The following STAB1 variants were observed in gnomAD, a reference collection of about 807,000 sequenced individuals.
The protein encoded by STAB1 is stabilin 1.
Under a neutral mutation model 332.4 loss-of-function variants are expected in STAB1, and 250 were observed. That is an observed-to-expected ratio of 0.75 (90% CI 0.68 to 0.84). STAB1 has a LOEUF of 0.84. STAB1 is among the 40% of genes least tolerant of loss of function. STAB1 has a pLI of 0.00. For missense variants in STAB1, 3,249 were observed against 3,489.7 expected (o/e 0.93, Z 1.74); for synonymous variants, 1,475 against 1,390.4 (o/e 1.06, Z -1.35).
intron 61 of STAB1, 33 bp from the exon 62 acceptor site, chr3:52,522,742 C>A (rs761613748): frequency 1.2e-6 from 2 of 1,612,578 alleles, no homozygotes; most frequent in African/African-American, 2.7e-5. Context: ...TTGACTGGGT[C>A]TTGGGTCTTA....
intron 36 of STAB1, 135 bp downstream of exon 36, chr3:52,515,180 T>A (rs1004639538): frequency 5.3e-5 from 63 of 1,189,222 alleles, no homozygotes; most frequent in Non-Finnish European, 7.1e-5. Flanking sequence ...GTGGCTGACG[T>A]CCCCATAGAG....
intron 5 of STAB1, 42 bp from the exon 6 acceptor site, chr3:52,502,590 G>T (rs768414030): frequency 2.3e-5 from 36 of 1,557,586 alleles, no homozygotes; most frequent in Non-Finnish European, 2.9e-5. Context: ...TGTGTGCCTG[G>T]GAGAGGCTGG....
Position 52,504,097 on chromosome 3 carries a change from G to A in STAB1, c.1092G>A (p.Gln364=), listed in dbSNP as rs1301001565. The change falls in exon 10 of 69, where the codon CAG becomes CAA. Residue 364 remains glutamine (Q), a synonymous_variant. Transcript: ENST00000321725. The part of the protein sequence containing the change: ...ACYGHLLHEV[Q]KATQTGRVFL... ...ACGGACACCTGCTCCACGAGGTGCA[G>A]AAGGCCACGCAGACAGGCCGGGTGT... is the stretch of plus-strand genomic sequence containing the variant. 1.3e-6 allele frequency: 2 copies of A among 1,589,750 alleles called. No individual in the cohort carries two copies. The highest frequency in any genetic ancestry group is 2.7e-5 in the African/African-American group (2 of 74,534).
intron 57 of STAB1, 45 bp downstream of exon 57, chr3:52,521,745 T>C (rs767190924): frequency 6.2e-7 from 1 of 1,608,568 alleles, no homozygotes; most frequent in Non-Finnish European, 8.5e-7. Context: ...CTTGTGTACA[T>C]GTGCACACAT....
intron 48 of STAB1, 82 bp downstream of exon 48, chr3:52,518,951 C>A: frequency 7.2e-7 from 1 of 1,398,206 alleles, no homozygotes; most frequent in Non-Finnish European, 9.4e-7. Context: ...CCACGGCCCA[C>A]GCAGTCAAGA....
intron 11 of STAB1, 76 bp from the exon 12 acceptor site, chr3:52,504,663 C>G: frequency 6.2e-7 from 1 of 1,612,370 alleles, no homozygotes; most frequent in Non-Finnish European, 8.5e-7. Flanking sequence ...CATCCTGTCC[C>G]CTCCATTGCT....
Position 52,505,884 on chromosome 3 carries a change from G to T in STAB1, c.1697G>T (p.Gly566Val). ...DGRLIYLFTA[G>V]LSKLQELVRY... is the part of the protein sequence containing the mutation. ...CAAACCCTCTCTCTCCCCTGCCAGG[G>T]TCTCTCTAAACTGCAGGAGTTGGTG... The change falls in exon 16 of 69, where the codon GGT (glycine) becomes GTT (valine). Residue 566 changes from glycine (G) to valine (V), a missense_variant and splice_region_variant. Gly to Val is a moderately radical substitution (Grantham distance 109). Coordinates refer to ENST00000321725, the MANE Select transcript of STAB1 (RefSeq NM_015136.3). The T allele has an allele frequency of 1.9e-6, 3 of 1,613,980 alleles. No homozygotes were observed. Among genetic ancestry groups the T allele is most frequent in the South Asian group, 2.2e-5 (2 of 91,078 alleles).
At position 52,512,922 on chromosome 3, in the gene STAB1, T is replaced by C. The variant is rs1478172359; in HGVS notation, c.3122T>C (p.Phe1041Ser). The C allele has an allele frequency of 6.2e-7, 1 of 1,611,902 alleles. No homozygotes were observed. Among genetic ancestry groups the C allele is most frequent in the African/African-American group, 1.3e-5 (1 of 75,006 alleles). Reference protein sequence around the residue: ...VRQLSPEDRAFWLQPRTLPNL... With the variant: ...VRQLSPEDRASWLQPRTLPNL... ...CAGCTGAGCCCCGAGGACCGAGCTT[T>C]CTGGCTGCAGCCAAGGACGCTGCCG... Residue 1041 changes from phenylalanine to serine, a missense_variant, in exon 29 of 69, where the codon TTC becomes TCC. Transcript: ENST00000321725.
At chr3:52,509,563 T>C in intron 22 of STAB1, 1 of 591,870 alleles carries the variant, frequency 1.7e-6, no homozygotes, top group Non-Finnish European at 3.0e-6. Flanking sequence ...AGATGCTGTC[T>C]GCTTCACCCA....
chr3:52,512,531 C>G (rs761533896), intron 27 of STAB1, 65 bp from the exon 28 acceptor site: 2 of 1,612,902 alleles, frequency 1.2e-6, no homozygotes, highest in Non-Finnish European at 1.7e-6. Flanking sequence ...GCTCAGGATC[C>G]ATGGTGGGGA....
rs1425538612 is a variant in STAB1 at position 52,501,787 on chromosome 3, C to T, written c.331+34C>T. ...GAAAGGGGGACCCCGCCTTGCGCCT[C>T]CCACCCAGCCCCAGCTCTGGGCAAG... is the stretch of plus-strand genomic sequence containing the variant. On this transcript the variant is annotated intron_variant, in intron 3 of 68. Coordinates refer to ENST00000321725, the MANE Select transcript of STAB1 (RefSeq NM_015136.3). 3.3e-6 allele frequency: 5 copies of T among 1,536,494 alleles called. No individual in the cohort carries two copies. The Admixed American group carries it at 7.8e-5, about 24-fold the overall frequency.
intron 1 of STAB1, among the ~76,000 whole-genome samples, chr3:52,497,782 G>A (rs1410119797): frequency 6.6e-6 from 1 of 152,192 alleles, no homozygotes; most frequent in Non-Finnish European, 1.5e-5. Context: ...CCTGGAACCA[G>A]TCCCCCATAG....
Position 52,513,924 on chromosome 3 carries a change from G to T in STAB1, c.3390G>T (p.Gly1130=). Residue 1130 remains glycine, a synonymous_variant, in exon 32 of 69, where the codon GGG becomes GGT. Coordinates refer to ENST00000321725, the MANE Select transcript of STAB1 (RefSeq NM_015136.3). ...GAGGGGATGTGCCCGGTGGGCAGGG[G>T]TTGCTGCAGCAGCTGGACTTGGTGC... is the stretch of plus-strand genomic sequence containing the variant. ...PPRGDVPGGQ[G]LLQQLDLVPA... 2 of 1,606,002 alleles carry T rather than the reference G, an allele frequency of 1.2e-6. No homozygotes were observed. The highest frequency in any genetic ancestry group is 1.7e-6 in the Non-Finnish European group (2 of 1,174,542).
At chr3:52,514,599 C>T in intron 34 of STAB1, 102 bp from the exon 35 acceptor site, 1 of 1,576,302 alleles carries the variant, frequency 6.3e-7, no homozygotes, top group East Asian at 2.2e-5. Flanking sequence ...CCTCTAACCT[C>T]TGCTCCAGGG....
chr3:52,506,788 C>T lies in STAB1; in HGVS notation c.1927C>T (p.Pro643Ser). Residue 643 changes from proline (P) to serine (S), a missense_variant, in exon 18 of 69, where the codon CCC becomes TCC. Pro to Ser is a moderately conservative substitution (Grantham distance 74, BLOSUM62 -1). Transcript: ENST00000321725. ...VIHMLDGILL[P>S]PTILPILPKH... ...CCACATGCTGGACGGCATCCTGCTG[C>T]CCCCGACCATCCTGCCCATCCTGCC... 6.2e-7 allele frequency: 1 copy of T among 1,613,084 alleles called. No homozygotes were observed. The highest frequency in any genetic ancestry group is 8.5e-7 in the Non-Finnish European group (1 of 1,179,880).
At chr3:52,516,490 G>C in intron 39 of STAB1, 39 bp downstream of exon 39, 1 of 1,613,482 alleles carries the variant, frequency 6.2e-7, no homozygotes, top group Non-Finnish European at 8.5e-7. Flanking sequence ...GGTGGCTACT[G>C]AGGAGGCTGT....
rs370888498 is a variant in STAB1, at chr3:52,513,252, A to T, written c.3270+11A>T. 50 of 1,559,030 alleles carry T rather than the reference A, an allele frequency of 3.2e-5. No homozygotes were observed. The highest frequency in any genetic ancestry group is 4.0e-5 in the Non-Finnish European group (46 of 1,152,826). On this transcript the variant is annotated intron_variant, in intron 30 of 68. Transcript: ENST00000321725. Reference sequence around the variant, plus strand: ...CGCAACATTAGTGGGGTATGTGGTGAACTCTGGGCAGAAAAGGGGACCAGG... The same window carrying T: ...CGCAACATTAGTGGGGTATGTGGTGTACTCTGGGCAGAAAAGGGGACCAGG...
At position 52,524,119 on chromosome 3, in the gene STAB1, A is replaced by T; in HGVS notation, c.7562A>T (p.Asp2521Val). Residue 2521 changes from aspartate (D) to valine (V), a missense_variant, in exon 68 of 69, where the codon GAC becomes GTC. Asp to Val is a radical substitution (Grantham distance 152). Transcript: ENST00000321725. ...TCCCAGGCGGAAGATGATGCTGATGACGACTTCTCACCGTGGCAAGAAGGG... is the reference window on the plus strand; with the variant it reads ...TCCCAGGCGGAAGATGATGCTGATGTCGACTTCTCACCGTGGCAAGAAGGG... ...SAFQAEDDAD[D>V]DFSPWQEGTN... The T allele has an allele frequency of 6.2e-7, 1 of 1,613,666 alleles. No individual in the cohort carries two copies.
rs76496037 is a variant in STAB1, at chr3:52,514,222, G to A, written c.3546+9G>A. ...GCAACAGCAGTCACCTGGTGAGGCCGTGGGGATGGGGCAATGGCAGGGAGG... is the reference window on the plus strand; with the variant it reads ...GCAACAGCAGTCACCTGGTGAGGCCATGGGGATGGGGCAATGGCAGGGAGG... On this transcript the variant is annotated intron_variant, in intron 33 of 68. Coordinates refer to ENST00000321725, the MANE Select transcript of STAB1 (RefSeq NM_015136.3). 21,024 of 1,612,708 alleles carry A rather than the reference G, an allele frequency of 0.013. 715 individuals are homozygous for A. The highest frequency in any genetic ancestry group is 0.12 in the African/African-American group (9,194 of 75,026).
Sources: allele counts gnomAD v4.1 joint callset (sites outside exome capture counted in the v4.1 genomes callset), GRCh38; gene constraint gnomAD v4.1.1; transcripts MANE v1.5; gene names NCBI Gene and HGNC (gene_info 2026-07-23, HGNC 2026-07-21).